The following SAMD5 variants were observed in gnomAD, a reference collection of about 807,000 sequenced individuals.
The protein encoded by SAMD5 is sterile alpha motif domain containing 5, also known as sterile alpha motif domain-containing protein 5.
Under a neutral mutation model 11.3 loss-of-function variants are expected in SAMD5, and 13 were observed. That is an observed-to-expected ratio of 1.15 (90% confidence interval 0.75 to 1.83). SAMD5 has a LOEUF of 1.83. Ranked by LOEUF, SAMD5 falls within the 40% of genes most tolerant of loss-of-function variation. The pLI is 0.00. For synonymous variants in SAMD5, 129 were observed against 111.3 expected, an observed-to-expected ratio of 1.16 and a Z score of -1.00; for missense variants, 255 against 239.1, an observed-to-expected ratio of 1.07 and a Z score of -0.44.
the SAMD5 span, among the ~76,000 whole-genome samples, chr6:147,938,331 A>G: frequency 3.3e-5 from 5 of 152,216 alleles, no homozygotes; most frequent in African/African-American, 1.2e-4. Context: ...TATTAATCAA[A>G]CGAAAAAGAT....
chr6:147,788,493 A>G, the SAMD5 span, among the ~76,000 whole-genome samples: 3 of 152,242 alleles, frequency 2.0e-5, no homozygotes, highest in Non-Finnish European at 2.9e-5. Flanking sequence ...TGGCTATAAA[A>G]ATACAAATAT....
chr6:147,800,693 T>A, the SAMD5 span, among the ~76,000 whole-genome samples: 1 of 152,216 alleles, frequency 6.6e-6, no homozygotes, highest in African/African-American at 2.4e-5. Context: ...TGTTAGTGGT[T>A]TAATGTTTAA....
chr6:147,681,255 T>C (rs1339600611), intron 1 of SAMD5, among the ~76,000 whole-genome samples: 2 of 152,206 alleles, frequency 1.3e-5, no homozygotes, highest in African/African-American at 4.8e-5. Context: ...TCTGTTTTAC[T>C]TTAGATAGTT....
At chr6:147,571,055 A>G (rs1789129799), downstream of SAMD5, among the ~76,000 whole-genome samples, 1 of 152,204 alleles carries the variant, frequency 6.6e-6, no homozygotes. Context: ...AGACATAGTC[A>G]TAGCCCTTTT....
the SAMD5 span, among the ~76,000 whole-genome samples, chr6:147,903,341 A>T: frequency 1.3e-5 from 2 of 152,228 alleles, no homozygotes; most frequent in African/African-American, 2.4e-5. Flanking sequence ...TGGTAAAGAT[A>T]GAACAAAATA....
the SAMD5 span, among the ~76,000 whole-genome samples, chr6:147,806,292 G>A: frequency 7.6e-6 from 1 of 131,890 alleles, no homozygotes. Flanking sequence ...CTTCAAAAAC[G>A]AGTGTGCGCA....
At chr6:147,694,027 T>A (rs1376089771) in intron 1 of SAMD5, among the ~76,000 whole-genome samples, 1 of 152,186 alleles carries the variant, frequency 6.6e-6, no homozygotes, top group East Asian at 1.9e-4. Flanking sequence ...GTTCTTTTTA[T>A]ACCAGGATGT....
the SAMD5 span, among the ~76,000 whole-genome samples, chr6:147,892,712 G>T: frequency 2.0e-5 from 3 of 152,122 alleles, no homozygotes; most frequent in Non-Finnish European, 4.4e-5. Flanking sequence ...GAAAGGCAGC[G>T]CCTTAATACA....
chr6:147,580,617 G>T (rs969675128), intron 1 of SAMD5, among the ~76,000 whole-genome samples: 31 of 152,196 alleles, frequency 2.0e-4, no homozygotes, highest in African/African-American at 7.5e-4. Context: ...TGTGACTGAG[G>T]ACTAGACTTT....
At chr6:147,844,923 A>G in the SAMD5 span, among the ~76,000 whole-genome samples, 1 of 152,124 alleles carries the variant, frequency 6.6e-6, no homozygotes, top group South Asian at 2.1e-4. Context: ...GTTCTATTGC[A>G]CAGCAGGGTG....
chr6:147,605,934 C>A (rs1365246685), intron 1 of SAMD5, among the ~76,000 whole-genome samples: 1 of 152,018 alleles, frequency 6.6e-6, no homozygotes, highest in African/African-American at 2.4e-5. Flanking sequence ...AGAGAAGACT[C>A]TAGTGGGCCC....
chr6:147,925,720 T>C, the SAMD5 span, among the ~76,000 whole-genome samples: 2 of 143,686 alleles, frequency 1.4e-5, no homozygotes, highest in East Asian at 4.1e-4. Flanking sequence ...CAGGAGTACA[T>C]GTGCAGGTTT....
At chr6:147,601,037 T>A (rs558442639) in intron 1 of SAMD5, among the ~76,000 whole-genome samples, 1 of 152,342 alleles carries the variant, frequency 6.6e-6, no homozygotes, top group East Asian at 1.9e-4. Flanking sequence ...GATTATTTTA[T>A]TTGGGTGACA....
chr6:147,897,943 TAAAAAAAAAAAAA>T, the SAMD5 span, among the ~76,000 whole-genome samples: 3,641 of 89,694 alleles, frequency 0.041, 251 homozygotes, highest in African/African-American at 0.15. Flanking sequence ...AGATTTTTCT[TAAAAAAAAAAAAA>T]AAAAAAAAAA....
At chr6:147,541,664 T>C (rs1279154083) in intron 1 of SAMD5, among the ~76,000 whole-genome samples, 4 of 152,130 alleles carry the variant, frequency 2.6e-5, no homozygotes, top group African/African-American at 9.7e-5. Context: ...CAGCAACCCC[T>C]TCTGAGATCC....
At chr6:147,779,664 T>A in the SAMD5 span, among the ~76,000 whole-genome samples, 1 of 152,208 alleles carries the variant, frequency 6.6e-6, no homozygotes, top group East Asian at 1.9e-4. Context: ...AAATAATTGC[T>A]GAAGGTTTCA....
At chr6:147,942,154 G>A in the SAMD5 span, among the ~76,000 whole-genome samples, 1 of 152,200 alleles carries the variant, frequency 6.6e-6, no homozygotes, top group African/African-American at 2.4e-5. Flanking sequence ...TGGGATTACA[G>A]GCGTGAGCCA....
chr6:147,841,841 G>A, the SAMD5 span, among the ~76,000 whole-genome samples: 2 of 152,132 alleles, frequency 1.3e-5, no homozygotes, highest in Non-Finnish European at 2.9e-5. Flanking sequence ...TCATGTGGAA[G>A]CTAAAAAGCC....
chr6:147,889,414 C>T, the SAMD5 span, among the ~76,000 whole-genome samples: 1 of 152,196 alleles, frequency 6.6e-6, no homozygotes, highest in Non-Finnish European at 1.5e-5. Flanking sequence ...GTTGGAACAA[C>T]TGCCTCAATT....
Sources: gnomAD v4.1 joint callset for allele counts (sites outside exome capture counted in the v4.1 genomes callset) on GRCh38, gnomAD v4.1.1 for gene constraint, MANE v1.5 for transcripts, NCBI Gene and HGNC (gene_info 2026-07-23, HGNC 2026-07-21) for gene names.